The following SERPINE2 variants were observed in gnomAD, a reference collection of about 807,000 sequenced individuals.
SERPINE2 encodes glia-derived nexin.
SERPINE2 carries 14 observed loss-of-function variants against 36.3 expected under a neutral mutation model. The observed-to-expected ratio is 0.39, with a 90% CI of 0.25 to 0.60. The LOEUF is 0.60. Among genes scored for constraint, SERPINE2 ranks in the 20% least tolerant of loss-of-function variants. SERPINE2 has a pLI of 0.57. For missense variants in SERPINE2, 418 were observed against 499.6 expected (o/e 0.84, Z 1.56); for synonymous variants, 192 against 191.8 (o/e 1.00, Z -0.01).
At chr2:223,986,849 T>A (rs1690450469) in intron 4 of SERPINE2, among the ~76,000 whole-genome samples, 1 of 152,094 alleles carries the variant, frequency 6.6e-6, no homozygotes, top group African/African-American at 2.4e-5. Context: ...GATGACTGAT[T>A]TCCCCCCACT....
At chr2:224,011,823 A>G (rs1345820795) in intron 1 of SERPINE2, among the ~76,000 whole-genome samples, 1 of 152,256 alleles carries the variant, frequency 6.6e-6, no homozygotes, top group Non-Finnish European at 1.5e-5. Flanking sequence ...AAAGTATTGC[A>G]ATATTCTCTG....
In SERPINE2 at chr2:223,977,529, AGG is replaced by A; in HGVS notation, c.1156+13_1156+14del. 1 of 1,533,848 alleles carries A rather than the reference AGG, an allele frequency of 6.5e-7. No individual in the cohort carries two copies. Among genetic ancestry groups the A allele is most frequent in the South Asian group, 1.1e-5 (1 of 89,440 alleles). On this transcript the variant is annotated intron_variant, in intron 8 of 8. Transcript: ENST00000409304. ...TCTAACAGAGAGGGCATGATGGAAG[AGG>A]AGAGTCACTTACCTGTAGGATTATG...
chr2:224,004,654 C>T (rs1220267901), intron 1 of SERPINE2, among the ~76,000 whole-genome samples: 1 of 152,002 alleles, frequency 6.6e-6, no homozygotes, highest in Non-Finnish European at 1.5e-5. Flanking sequence ...CTTCCTTCCT[C>T]CCTCTTGCCT....
At chr2:223,986,948 G>A (rs1294006994) in intron 4 of SERPINE2, among the ~76,000 whole-genome samples, 1 of 152,126 alleles carries the variant, frequency 6.6e-6, no homozygotes, top group East Asian at 1.9e-4. Flanking sequence ...GGTGCCTTGA[G>A]GAGCTGGGAG....
chr2:223,987,928 T>C (rs773312807), intron 4 of SERPINE2, among the ~76,000 whole-genome samples: 2 of 152,224 alleles, frequency 1.3e-5, no homozygotes, highest in Non-Finnish European at 2.9e-5. Context: ...CAAGTAAATA[T>C]GGATTTCCTG....
chr2:223,980,619 C>A, intron 6 of SERPINE2: 1 of 494,058 alleles, frequency 2.0e-6, no homozygotes, highest in Non-Finnish European at 3.7e-6. Flanking sequence ...TGGAGAAGGG[C>A]CCAGGCCCTC....
At chr2:223,979,772 A>G (rs989564200) in intron 7 of SERPINE2, 1 of 152,554 alleles carries the variant, frequency 6.6e-6, no homozygotes, top group Non-Finnish European at 1.5e-5. Context: ...TTTTCCTTTA[A>G]GTACTTGTTG....
At chr2:224,000,290 G>T (rs192594741) in intron 2 of SERPINE2, among the ~76,000 whole-genome samples, 15 of 152,140 alleles carry the variant, frequency 9.9e-5, no homozygotes, top group Non-Finnish European at 7.3e-5. Flanking sequence ...CCAGGAAGAG[G>T]GGGGGAGCCA....
In SERPINE2 at chr2:224,024,215, C is replaced by T. The variant is rs182456015; in HGVS notation, c.-23+14884G>A. On this transcript the variant is annotated intron_variant, in intron 1 of 8. Coordinates refer to ENST00000409304, the MANE Select transcript of SERPINE2 (RefSeq NM_001136528.2). ...CTGTGCTTTTATCTCCAACTCTTTG[C>T]GCCTTTTGCTTTCTTCCTTCAGTAC... 2.6e-4 allele frequency among the ~76,000 whole-genome samples: 40 copies of T among 152,314 alleles called. 1 individual carries two copies. Among genetic ancestry groups the T allele is most frequent in the South Asian group, 1.0e-3 (5 of 4,830 alleles).
chr2:224,008,973 G>A (rs7590948), intron 1 of SERPINE2, among the ~76,000 whole-genome samples: 64,733 of 151,848 alleles, frequency 0.43, 16,235 homozygotes, highest in South Asian at 0.57. Context: ...CATCTAGACC[G>A]AGGGAGGCTC....
At chr2:223,984,271 T>A (rs1201016263) in intron 5 of SERPINE2, among the ~76,000 whole-genome samples, 1 of 152,226 alleles carries the variant, frequency 6.6e-6, no homozygotes, top group East Asian at 1.9e-4. Context: ...TCAAATTCCA[T>A]CTTTGTCTTA....
chr2:224,001,839 T>A lies in SERPINE2; in HGVS notation c.62A>T (p.His21Leu), dbSNP rs1691183067. 2 of 1,613,808 alleles carry A rather than the reference T, an allele frequency of 1.2e-6. No individual in the cohort carries two copies. The highest frequency in any genetic ancestry group is 1.3e-5 in the African/African-American group (1 of 74,834). Residue 21 changes from histidine to leucine, a missense_variant, in exon 2 of 9, where the codon CAC (histidine) becomes CTC (leucine). His to Leu is a moderately conservative substitution (Grantham distance 99, BLOSUM62 -3). Coordinates refer to ENST00000409304, the MANE Select transcript of SERPINE2 (RefSeq NM_001136528.2). ...TTCCTCGAGAGACAGAGGATTGAAGTGGGAGCAGATGGAAGGCAGCGTCAC... is the reference window on the plus strand; with the variant it reads ...TTCCTCGAGAGACAGAGGATTGAAGAGGGAGCAGATGGAAGGCAGCGTCAC... ...ASVTLPSICSHFNPLSLEELG... is the reference protein window; with the variant it reads ...ASVTLPSICSLFNPLSLEELG...
intron 1 of SERPINE2, among the ~76,000 whole-genome samples, chr2:224,028,658 G>A (rs1473061366): frequency 2.0e-5 from 3 of 152,200 alleles, no homozygotes; most frequent in African/African-American, 7.2e-5. Context: ...AACCAGGAAT[G>A]ATTTCTACCT....
chr2:224,018,134 C>T (rs1360896170), intron 1 of SERPINE2, among the ~76,000 whole-genome samples: 1 of 152,156 alleles, frequency 6.6e-6, no homozygotes, highest in Non-Finnish European at 1.5e-5. Flanking sequence ...GTGACTCCAT[C>T]GACAGCCCTG....
chr2:223,989,995 G>A (rs1177021326), intron 4 of SERPINE2, among the ~76,000 whole-genome samples: 1 of 152,134 alleles, frequency 6.6e-6, no homozygotes, highest in South Asian at 2.1e-4. Context: ...AGGAAGAGAG[G>A]GGTGGTGACC....
At chr2:224,013,741 A>C (rs767962967) in intron 1 of SERPINE2, 1 of 152,224 alleles carries the variant, frequency 6.6e-6, no homozygotes, top group Non-Finnish European at 1.5e-5. Flanking sequence ...AATGTCATCC[A>C]CGGTTCCCTA....
chr2:224,024,376 T>A (rs1692114212), intron 1 of SERPINE2, among the ~76,000 whole-genome samples: 1 of 152,218 alleles, frequency 6.6e-6, no homozygotes, highest in African/African-American at 2.4e-5. Flanking sequence ...ATGGGAAACA[T>A]GGTTCCGAAC....
At chr2:224,015,482 T>C (rs949060259) in intron 1 of SERPINE2, among the ~76,000 whole-genome samples, 44 of 152,212 alleles carry the variant, frequency 2.9e-4, no homozygotes, top group African/African-American at 1.0e-3. Context: ...ACAAACCTTG[T>C]GTTGGGAGGT....
chr2:224,020,522 T>A (rs1454738289), intron 1 of SERPINE2, among the ~76,000 whole-genome samples: 1 of 152,192 alleles, frequency 6.6e-6, no homozygotes, highest in Non-Finnish European at 1.5e-5. Flanking sequence ...CGTTTGCCCC[T>A]CTTCAACTAA....
Sources: allele counts gnomAD v4.1 joint callset (sites outside exome capture counted in the v4.1 genomes callset), GRCh38; gene constraint gnomAD v4.1.1; transcripts MANE v1.5; gene names NCBI Gene and HGNC (gene_info 2026-07-23, HGNC 2026-07-21).